Variants in NRG3 observed in about 807,000 individuals in gnomAD.
NRG3 encodes the protein neuregulin 3.
A neutral mutation model predicts 66.9 loss-of-function variants in NRG3; 31 were observed. That is an observed-to-expected ratio of 0.46 (90% CI 0.35 to 0.63). The LOEUF is 0.63. NRG3 is among the 20% of genes least tolerant of loss of function. The probability of loss-of-function intolerance (pLI) is 0.00; values close to 1 mark genes in which losing one functional copy is unlikely to be tolerated. For missense variants in NRG3, 910 were observed against 878.9 expected, an observed-to-expected ratio of 1.04 and a Z score of -0.45; for synonymous variants, 393 against 359.4, an observed-to-expected ratio of 1.09 and a Z score of -1.06.
At chr10:82,716,426 A>G (rs940413626) in intron 2 of NRG3, among the ~76,000 whole-genome samples, 2 of 152,138 alleles carry the variant, frequency 1.3e-5, no homozygotes, top group African/African-American at 2.4e-5. Flanking sequence ...GCAGGTGGGA[A>G]CCTTAGAGTG....
chr10:81,904,455 C>G (rs1229234614), intron 1 of NRG3, among the ~76,000 whole-genome samples: 2 of 152,060 alleles, frequency 1.3e-5, no homozygotes, highest in Non-Finnish European at 2.9e-5. Flanking sequence ...TGCTTAGTCT[C>G]TGCTTGGACT....
At chr10:82,065,864 A>G (rs914249326) in intron 1 of NRG3, among the ~76,000 whole-genome samples, 18 of 152,068 alleles carry the variant, frequency 1.2e-4, no homozygotes, top group Non-Finnish European at 2.6e-4. Flanking sequence ...GTATATCCCA[A>G]CTCTTTGTGT....
intron 2 of NRG3, among the ~76,000 whole-genome samples, chr10:82,514,486 A>T (rs371413665): frequency 6.6e-6 from 1 of 152,254 alleles, no homozygotes; most frequent in African/African-American, 2.4e-5. Flanking sequence ...TCAAAGATCA[A>T]ATCGTTGTAG....
chr10:82,619,081 A>G (rs527375096), intron 2 of NRG3, among the ~76,000 whole-genome samples: 3 of 152,262 alleles, frequency 2.0e-5, no homozygotes, highest in South Asian at 4.1e-4. Flanking sequence ...ATTTTTATCT[A>G]TCATGTTGGG....
intron 1 of NRG3, among the ~76,000 whole-genome samples, chr10:82,035,840 A>G (rs1015545576): frequency 1.3e-5 from 2 of 152,136 alleles, no homozygotes; most frequent in South Asian, 2.1e-4. Context: ...GTAATTGACA[A>G]TTTTGGTTTT....
At chr10:82,924,967 T>G (rs1386658194) in intron 4 of NRG3, among the ~76,000 whole-genome samples, 1 of 152,188 alleles carries the variant, frequency 6.6e-6, no homozygotes, top group Non-Finnish European at 1.5e-5. Flanking sequence ...AAGAAAAGCA[T>G]GACTTTTTGG....
intron 2 of NRG3, among the ~76,000 whole-genome samples, chr10:82,474,214 A>G (rs1324194640): frequency 3.3e-5 from 5 of 152,000 alleles, no homozygotes; most frequent in African/African-American, 1.2e-4. Context: ...ACAAAGAAAT[A>G]TGAATGCATG....
chr10:82,453,001 C>G (rs1342500298), intron 2 of NRG3, among the ~76,000 whole-genome samples: 1 of 152,104 alleles, frequency 6.6e-6, no homozygotes, highest in African/African-American at 2.4e-5. Flanking sequence ...GCCCCAGAGA[C>G]AGTTCTATAC....
intron 2 of NRG3, among the ~76,000 whole-genome samples, chr10:82,492,619 T>C (rs773977441): frequency 1.8e-4 from 27 of 152,202 alleles, no homozygotes; most frequent in Non-Finnish European, 2.6e-4. Context: ...AACCCAGTCA[T>C]AACAGAGTTT....
intron 6 of NRG3, among the ~76,000 whole-genome samples, chr10:82,970,474 C>T (rs1851620007): frequency 6.6e-6 from 1 of 152,150 alleles, no homozygotes; most frequent in Non-Finnish European, 1.5e-5. Flanking sequence ...TTAATTTCCT[C>T]TATTCTGATT....
intron 3 of NRG3, among the ~76,000 whole-genome samples, chr10:82,863,483 A>G (rs1246674732): frequency 1.3e-5 from 2 of 152,210 alleles, no homozygotes; most frequent in Admixed American, 6.5e-5. Context: ...ACAACAATGT[A>G]AAAGTGTTCC....
At chr10:82,660,849 A>G (rs1443897356) in intron 2 of NRG3, among the ~76,000 whole-genome samples, 3 of 152,098 alleles carry the variant, frequency 2.0e-5, no homozygotes, top group Admixed American at 6.5e-5. Flanking sequence ...TAGTTTTCTT[A>G]GTAAGAAAAC....
intron 4 of NRG3, among the ~76,000 whole-genome samples, chr10:82,893,932 G>T (rs1201222971): frequency 6.6e-6 from 1 of 152,140 alleles, no homozygotes; most frequent in African/African-American, 2.4e-5. Flanking sequence ...ATCAGATAAA[G>T]AGAGGATCAG....
intron 2 of NRG3, among the ~76,000 whole-genome samples, chr10:82,612,683 A>G (rs2048387770): frequency 6.6e-6 from 1 of 152,150 alleles, no homozygotes; most frequent in Non-Finnish European, 1.5e-5. Context: ...TTTTTGAAGT[A>G]CTGGAGTTTC....
intron 2 of NRG3, among the ~76,000 whole-genome samples, chr10:82,662,674 C>T (rs2052458111): frequency 6.6e-6 from 1 of 152,136 alleles, no homozygotes; most frequent in Non-Finnish European, 1.5e-5. Context: ...CATGAACTCC[C>T]AGGTTTAAGG....
intron 2 of NRG3, among the ~76,000 whole-genome samples, chr10:82,461,235 C>T (rs1195721572): frequency 1.3e-5 from 2 of 148,246 alleles, no homozygotes; most frequent in Admixed American, 6.8e-5. Context: ...AACACCACCA[C>T]CACCACCACC....
chr10:82,124,823 TTG>T (rs1008995656), intron 1 of NRG3, among the ~76,000 whole-genome samples: 1 of 152,006 alleles, frequency 6.6e-6, no homozygotes, highest in Non-Finnish European at 1.5e-5. Flanking sequence ...TCTTTCAGCC[TTG>T]TGTCATTCAT....
chr10:82,137,445 A>G (rs2069454507), intron 1 of NRG3, among the ~76,000 whole-genome samples: 1 of 152,228 alleles, frequency 6.6e-6, no homozygotes. Context: ...AGCTCCAGCT[A>G]GCACATTTCC....
chr10:81,996,472 C>T (rs1414123624), intron 1 of NRG3, among the ~76,000 whole-genome samples: 1 of 152,078 alleles, frequency 6.6e-6, no homozygotes, highest in African/African-American at 2.4e-5. Context: ...AATAGCAATG[C>T]AATATGATAT....
Sources: allele counts gnomAD v4.1 joint callset (sites outside exome capture counted in the v4.1 genomes callset), GRCh38; gene constraint gnomAD v4.1.1; transcripts MANE v1.5; gene names NCBI Gene and HGNC (gene_info 2026-07-23, HGNC 2026-07-21).